PCM1: variants seen among roughly 807,000 people sequenced by gnomAD.
The protein encoded by PCM1 is pericentriolar material 1.
A neutral mutation model predicts 241.9 loss-of-function variants in PCM1; 157 were observed. That is an observed-to-expected ratio of 0.65 (90% confidence interval 0.57 to 0.74). The LOEUF (loss-of-function observed/expected upper bound fraction) is 0.74. Ranked by LOEUF, PCM1 falls within the 30% of genes least tolerant of loss-of-function variation. The pLI is 0.00. For missense variants in PCM1, 3,478 were observed against 2,360.1 expected (o/e 1.47, Z -9.81); for synonymous variants, 1,085 against 784.9 (o/e 1.38, Z -6.39).
chr8:18,011,496 C>T, intron 33 of PCM1, 130 bp downstream of exon 33: 1 of 1,056,168 alleles, frequency 9.5e-7, no homozygotes, highest in Non-Finnish European at 1.3e-6. Flanking sequence ...TTCACTGTGA[C>T]CCTGACTAAA....
intron 36 of PCM1, among the ~76,000 whole-genome samples, chr8:18,019,040 T>C (rs1473919164): frequency 6.6e-6 from 1 of 151,750 alleles, no homozygotes; most frequent in African/African-American, 2.4e-5. Context: ...TGCCTACAGA[T>C]TCTAAATGGT....
At chr8:17,927,103 T>G (rs2057278545) in intron 2 of PCM1, 1 of 152,142 alleles carries the variant, frequency 6.6e-6, no homozygotes, top group Non-Finnish European at 1.5e-5. Flanking sequence ...AAAATAATTT[T>G]TTTCGTTACT....
chr8:17,964,399 A>G (rs1563981810), intron 17 of PCM1, among the ~76,000 whole-genome samples, 169 bp from the exon 18 acceptor site: 1 of 152,246 alleles, frequency 6.6e-6, no homozygotes, highest in South Asian at 2.1e-4. Flanking sequence ...TATTCTGTAT[A>G]TAACAGCAAT....
chr8:18,017,176 G>T (rs1240819704), intron 36 of PCM1, among the ~76,000 whole-genome samples: 1 of 152,002 alleles, frequency 6.6e-6, no homozygotes, highest in African/African-American at 2.4e-5. Flanking sequence ...TATCCCCATG[G>T]TCTTTCCACA....
At chr8:18,026,785 A>G (rs1354199087) in intron 38 of PCM1, among the ~76,000 whole-genome samples, 1 of 151,938 alleles carries the variant, frequency 6.6e-6, no homozygotes, top group East Asian at 1.9e-4. Flanking sequence ...TTGTTCCATC[A>G]ACTTTGGTCA....
At chr8:18,006,162 G>T in intron 29 of PCM1, 101 bp from the exon 30 acceptor site, 2 of 927,348 alleles carry the variant, frequency 2.2e-6, no homozygotes, top group South Asian at 2.5e-5. Context: ...GAGCATCTAC[G>T]GCAAGAAAAT....
In PCM1 at chr8:17,973,320, T is replaced by C. The variant is rs563055964; in HGVS notation, c.3943+633T>C. ...GTGTAGTACTAGGTTAAAAATAGTT[T>C]CATTAGCTAAAATCTGCAGTGTTAC... On this transcript the variant is annotated intron_variant, in intron 23 of 38. Transcript: ENST00000325083. 1.1e-4 allele frequency among the ~76,000 whole-genome samples: 17 copies of C among 152,328 alleles called. 1 individual carries two copies. In the South Asian group the frequency reaches 1.4e-3, roughly 13 times the overall value.
Position 18,027,618 on chromosome 8 carries a change from T to C in PCM1, c.6050-19T>C, listed in dbSNP as rs1280396919. 1 of 1,561,932 alleles carries C rather than the reference T, an allele frequency of 6.4e-7. No homozygotes were observed. The highest frequency in any genetic ancestry group is 1.7e-5 in the Admixed American group (1 of 58,872). On this transcript the variant is annotated intron_variant, in intron 38 of 38. Transcript: ENST00000325083. ...AATTCGATAAGTAATTTATAAAGCATTTTTATTCTGTTTTTCAGAAACGGT... is the reference window on the plus strand; with the variant it reads ...AATTCGATAAGTAATTTATAAAGCACTTTTATTCTGTTTTTCAGAAACGGT...
chr8:18,004,793 C>CT (rs1447905440), intron 29 of PCM1, among the ~76,000 whole-genome samples: 5 of 152,136 alleles, frequency 3.3e-5, no homozygotes, highest in African/African-American at 1.2e-4. Flanking sequence ...TTTCTTCTTT[C>CT]TAGTAGCATG....
At chr8:18,014,959 GA>G in intron 36 of PCM1, 119 bp downstream of exon 36, 1 of 889,726 alleles carries the variant, frequency 1.1e-6, no homozygotes, top group Non-Finnish European at 1.6e-6. Flanking sequence ...GAACATGTTG[GA>G]ACATTTTTCT....
At position 17,986,099 on chromosome 8, in the gene PCM1, A is replaced by G. The variant is rs2082493035; in HGVS notation, c.4410+12A>G. The G allele has an allele frequency of 1.3e-6, 2 of 1,528,086 alleles. No homozygotes were observed. Among genetic ancestry groups the G allele is most frequent in the Non-Finnish European group, 1.8e-6 (2 of 1,137,868 alleles). 94.7% of individuals were successfully genotyped at this position (1,528,086 alleles called of 1,614,324 possible). ...CTACTACTGATGATGTAAGCTGATA[A>G]TGATTAGTGAATTGTAGATATAATT... On this transcript the variant is annotated intron_variant, in intron 26 of 38. Transcript: ENST00000325083.
chr8:17,967,108 C>T lies in PCM1; in HGVS notation c.3350C>T (p.Pro1117Leu), dbSNP rs1393880990. The change falls in exon 21 of 39, where the codon CCA becomes CTA. Residue 1117 changes from proline to leucine, a missense_variant. Pro to Leu is a moderately conservative substitution (Grantham distance 98, BLOSUM62 -3). Transcript: ENST00000325083. ...AGTTTATTTTGTCCTTTCAGCTTTC[C>T]AACACAGCCTGTAAATCTCTTCAAT... Reference protein sequence around the residue: ...SPSLFCPFSFPTQPVNLFNIP... With the variant: ...SPSLFCPFSFLTQPVNLFNIP... The T allele has an allele frequency of 1.2e-6, 2 of 1,607,308 alleles. No homozygotes were observed. Among genetic ancestry groups the T allele is most frequent in the South Asian group, 1.1e-5 (1 of 89,676 alleles).
chr8:18,007,619 T>G (rs966422620), intron 30 of PCM1, among the ~76,000 whole-genome samples: 4 of 152,230 alleles, frequency 2.6e-5, no homozygotes, highest in African/African-American at 9.6e-5. Context: ...ACTGCTTTTC[T>G]TTCATCCCGT....
intron 16 of PCM1, 165 bp from the exon 17 acceptor site, chr8:17,962,936 A>G (rs1586969976): frequency 3.7e-6 from 2 of 545,558 alleles, no homozygotes; most frequent in East Asian, 3.3e-5. Flanking sequence ...TTTTTTTGTA[A>G]TCATAACTAT....
Position 17,985,969 on chromosome 8 carries a change from C to T in PCM1, c.4292C>T (p.Ser1431Phe), listed in dbSNP as rs2129477003. 2 of 1,550,588 alleles carry T rather than the reference C, an allele frequency of 1.3e-6. No homozygotes were observed. The highest frequency in any genetic ancestry group is 3.5e-5 in the Admixed American group (2 of 56,640). ...TATTTTCTTATTTAGGACATAGTAT[C>T]CAGACATATTTCTGAGAGCCATGAA... ...RALYALQDIV[S>F]RHISESHEKG... Residue 1431 changes from serine to phenylalanine, a missense_variant, in exon 26 of 39, where the codon TCC becomes TTC. Transcript: ENST00000325083.
intron 4 of PCM1, among the ~76,000 whole-genome samples, chr8:17,937,746 C>T (rs943667765): frequency 5.9e-5 from 9 of 152,048 alleles, no homozygotes; most frequent in African/African-American, 2.2e-4. Context: ...TGCTGGGTTA[C>T]CTCAAGTTTA....
At position 17,956,828 on chromosome 8, in the gene PCM1, A is replaced by G. The variant is rs374487005; in HGVS notation, c.1646+51A>G. On this transcript the variant is annotated intron_variant, in intron 11 of 38. Transcript: ENST00000325083. ...TCCAGCATATTCATTCTGTCTTGAT[A>G]CTTATAATGTGGGAACAAAAATACT... 4.1e-4 allele frequency: 552 copies of G among 1,359,900 alleles called. 2 individuals carry two copies. In the African/African-American group the frequency reaches 7.5e-3, roughly 18 times the overall value. 84.2% of individuals were successfully genotyped at this position (1,359,900 alleles called of 1,614,324 possible).
intron 8 of PCM1, 88 bp downstream of exon 8, chr8:17,950,812 C>G: frequency 2.6e-6 from 2 of 763,036 alleles, no homozygotes; most frequent in Non-Finnish European, 4.5e-6. Flanking sequence ...ATACATATCA[C>G]CTGGCATGAT....
At chr8:17,966,920 T>C in intron 20 of PCM1, 60 bp from the exon 21 acceptor site, 2 of 1,418,814 alleles carry the variant, frequency 1.4e-6, no homozygotes, top group Non-Finnish European at 1.9e-6. Flanking sequence ...TCTTCCTGAA[T>C]GTACTTTATA....
Sources: gnomAD v4.1 joint callset for allele counts (sites outside exome capture counted in the v4.1 genomes callset) on GRCh38, gnomAD v4.1.1 for gene constraint, MANE v1.5 for transcripts, NCBI Gene and HGNC (gene_info 2026-07-23, HGNC 2026-07-21) for gene names.